LARP1: variants seen among roughly 807,000 people sequenced by gnomAD.
The protein encoded by LARP1 is La ribonucleoprotein 1, translational regulator, also known as la-related protein 1.
In LARP1, 36 loss-of-function variants were observed where a neutral mutation model predicts 122.7. That is an observed-to-expected ratio of 0.29 (90% CI 0.22 to 0.39). LARP1 has a LOEUF of 0.39. Ranked by LOEUF, LARP1 falls within the 10% of genes least tolerant of loss-of-function variation. The probability of loss-of-function intolerance (pLI) is 1.00; values close to 1 mark genes in which losing one functional copy is unlikely to be tolerated. For missense variants in LARP1, 1,040 were observed against 1,403.6 expected (o/e 0.74, Z 4.14); for synonymous variants, 539 against 528.7 (o/e 1.02, Z -0.27).
At position 154,790,380 on chromosome 5, in the gene LARP1, C is replaced by G. The variant is rs776742361; in HGVS notation, c.492C>G (p.Gly164=). ...VRAAVPKQRK[G]SKVGDFGDAI... is the part of the protein sequence containing the mutation. ...CAGCTGTTCCTAAACAGCGCAAAGG[C>G]AGCAAGGTAAAGAATAACAGTGGGC... Residue 164 remains glycine (G), a synonymous_variant, in exon 2 of 19, where the codon GGC becomes GGG. Coordinates refer to ENST00000518297, the MANE Select transcript of LARP1 (RefSeq NM_033551.3). 6.2e-7 allele frequency: 1 copy of G among 1,613,534 alleles called. No homozygotes were observed. The highest frequency in any genetic ancestry group is 2.2e-5 in the East Asian group (1 of 44,868).
chr5:154,749,658 C>G (rs1753385247), intron 1 of LARP1, among the ~76,000 whole-genome samples: 1 of 152,186 alleles, frequency 6.6e-6, no homozygotes, highest in Non-Finnish European at 1.5e-5. Flanking sequence ...AAAAACACTC[C>G]TCAGCTGGCA....
At chr5:154,738,534 G>T (rs1757038256) in intron 1 of LARP1, among the ~76,000 whole-genome samples, 1 of 152,154 alleles carries the variant, frequency 6.6e-6, no homozygotes, top group Non-Finnish European at 1.5e-5. Context: ...GGATGTTGCA[G>T]TGAGCCGAGA....
rs994876578 is a variant in LARP1 at position 154,793,456 on chromosome 5, G to T, written c.740-139G>T. The T allele has an allele frequency of 3.9e-6, 4 of 1,024,368 alleles. No homozygotes were observed. The Admixed American group carries it at 6.1e-5, about 16-fold the overall frequency. 63.5% of individuals were successfully genotyped at this position (1,024,368 alleles called of 1,614,324 possible). On this transcript the variant is annotated intron_variant, in intron 4 of 18. Transcript: ENST00000518297. ...TTTAGAGATGAAAAAGAGGGCTAAT[G>T]TGTGGGAAAGGGATCTGCCCAAGGT...
chr5:154,775,677 G>A (rs573546829), intron 1 of LARP1, among the ~76,000 whole-genome samples: 4 of 152,224 alleles, frequency 2.6e-5, no homozygotes, highest in African/African-American at 7.2e-5. Flanking sequence ...GTGAACTAAC[G>A]GGCTCAAGAG....
At chr5:154,753,978 T>C (rs1269652443), upstream of LARP1, among the ~76,000 whole-genome samples, 1 of 152,220 alleles carries the variant, frequency 6.6e-6, no homozygotes, top group African/African-American at 2.4e-5. Flanking sequence ...TCACAGCCAG[T>C]CAGAAGCCAG....
At chr5:154,751,228 A>G (rs1034255735), upstream of LARP1, among the ~76,000 whole-genome samples, 2 of 152,170 alleles carry the variant, frequency 1.3e-5, no homozygotes, top group African/African-American at 4.8e-5. Flanking sequence ...CTGGCGATAT[A>G]GAACACCCTG....
chr5:154,757,481 T>C (rs1049253662), intron 1 of LARP1, among the ~76,000 whole-genome samples: 2 of 151,906 alleles, frequency 1.3e-5, no homozygotes, highest in African/African-American at 4.8e-5. Flanking sequence ...GGTCCGTTTG[T>C]GGTGGGTCGG....
chr5:154,728,229 T>A (rs1207408527), intron 1 of LARP1, among the ~76,000 whole-genome samples: 3 of 152,174 alleles, frequency 2.0e-5, no homozygotes, highest in South Asian at 4.1e-4. Context: ...AACCTTCTTT[T>A]AACAAGCAGC....
chr5:154,688,653 CAAAAA>C (rs10677648), intron 1 of LARP1, among the ~76,000 whole-genome samples: 5 of 79,484 alleles, frequency 6.3e-5, no homozygotes, highest in South Asian at 5.3e-4. Context: ...GACTCCATCT[CAAAAA>C]AAAAAAAAAA....
At chr5:154,729,891 A>G (rs1280738241) in intron 1 of LARP1, among the ~76,000 whole-genome samples, 7 of 152,198 alleles carry the variant, frequency 4.6e-5, no homozygotes, top group Non-Finnish European at 8.8e-5. Flanking sequence ...GCAGTAAATC[A>G]ATAACCAGGA....
At chr5:154,795,565 G>A (rs1487745863) in intron 8 of LARP1, among the ~76,000 whole-genome samples, 1 of 151,872 alleles carries the variant, frequency 6.6e-6, no homozygotes, top group African/African-American at 2.4e-5. Context: ...AGCTTCGGCA[G>A]GTATCAGTTT....
rs542899104 is a variant in LARP1 at position 154,780,117 on chromosome 5, G to A, written c.437-10208G>A. Among the ~76,000 whole-genome samples, 18 of 152,122 alleles carry A rather than the reference G, an allele frequency of 1.2e-4. No individual in the cohort carries two copies. In the South Asian group the frequency reaches 3.5e-3, roughly 30 times the overall value. ...ACTCCAGCTTCCTATCTGCTTTTGGGATGACCCTCCCTGGAAAGTCCCTCC... is the reference window on the plus strand; with the variant it reads ...ACTCCAGCTTCCTATCTGCTTTTGGAATGACCCTCCCTGGAAAGTCCCTCC... On this transcript the variant is annotated intron_variant, in intron 1 of 18. Transcript: ENST00000518297.
intron 1 of LARP1, among the ~76,000 whole-genome samples, chr5:154,697,372 G>A (rs530644654): frequency 6.6e-6 from 1 of 152,100 alleles, no homozygotes; most frequent in South Asian, 2.1e-4. Flanking sequence ...AATTATGTGC[G>A]TGTACCTGTC....
chr5:154,725,849 C>CT (rs1441772305), intron 1 of LARP1, among the ~76,000 whole-genome samples: 10 of 150,032 alleles, frequency 6.7e-5, no homozygotes, highest in Admixed American at 1.3e-4. Flanking sequence ...TCTTCTTCTT[C>CT]TTTTTTTTTG....
intron 1 of LARP1, among the ~76,000 whole-genome samples, chr5:154,737,801 C>G (rs1224317672): frequency 6.6e-6 from 1 of 152,106 alleles, no homozygotes; most frequent in African/African-American, 2.4e-5. Context: ...CTGATATTCC[C>G]GGTTCCCCGC....
chr5:154,769,535 A>G lies in LARP1; in HGVS notation c.436+13342A>G, dbSNP rs118124179. Among the ~76,000 whole-genome samples the G allele has an allele frequency of 5.7e-4, 86 of 152,122 alleles. No individual in the cohort carries two copies. The East Asian group carries it at 0.014, about 25-fold the overall frequency. ...CAATAGAGGTGAGGTAGGGGGAGTG[A>G]GTGTGATGGAGAGATAGGACTCACC... On this transcript the variant is annotated intron_variant, in intron 1 of 18. Transcript: ENST00000518297.
Position 154,803,376 on chromosome 5 carries a change from C to T in LARP1, c.2196C>T (p.Asn732=), listed in dbSNP as rs749116507. The change falls in exon 12 of 19, where the codon AAC becomes AAT. Residue 732 remains asparagine, a synonymous_variant. Coordinates refer to ENST00000518297, the MANE Select transcript of LARP1 (RefSeq NM_033551.3). This position sits in a 1 kb window ranked among gnomAD's most constrained non-coding sequence, Gnocchi z 4.4. Reference sequence around the variant, plus strand: ...CCCCTGAGCCCCCTGTGGATCCCAACCAGGAAGTTCCTCCTGGGCCACCTC... The same window carrying T: ...CCCCTGAGCCCCCTGTGGATCCCAATCAGGAAGTTCCTCCTGGGCCACCTC... The part of the protein sequence containing the change: ...TLTPEPPVDP[N]QEVPPGPPRF... 1.9e-6 allele frequency: 3 copies of T among 1,614,172 alleles called. No homozygotes were observed. The South Asian group carries it at 3.3e-5, about 18-fold the overall frequency.
chr5:154,715,659 G>A (rs970374543), intron 1 of LARP1, among the ~76,000 whole-genome samples: 14 of 152,066 alleles, frequency 9.2e-5, no homozygotes, highest in Non-Finnish European at 2.1e-4. Flanking sequence ...GTGAATGCGG[G>A]GTGTGTGCGA....
intron 1 of LARP1, among the ~76,000 whole-genome samples, chr5:154,731,970 C>T (rs937638314): frequency 6.6e-5 from 10 of 151,112 alleles, no homozygotes; most frequent in African/African-American, 2.4e-4. Context: ...TGCAGTGAGC[C>T]GAGATCACGC....
Sources: allele counts gnomAD v4.1 joint callset (sites outside exome capture counted in the v4.1 genomes callset), GRCh38; gene constraint gnomAD v4.1.1; non-coding constraint Gnocchi (gnomAD v3.1); transcripts MANE v1.5; gene names NCBI Gene and HGNC (gene_info 2026-07-23, HGNC 2026-07-21).